The following NDC80 variants were observed in gnomAD, a reference collection of about 807,000 sequenced individuals.
NDC80 encodes NDC80 kinetochore complex component.
In NDC80, 69 loss-of-function variants were observed where a neutral mutation model predicts 89.3. That is an observed-to-expected ratio of 0.77 (90% CI 0.64 to 0.94). The LOEUF (loss-of-function observed/expected upper bound fraction) is 0.94. NDC80 is among the 40% of genes least tolerant of loss of function. The probability of loss-of-function intolerance (pLI) is 0.00; values close to 1 mark genes in which losing one functional copy is unlikely to be tolerated. For missense variants in NDC80, 593 were observed against 739.6 expected (o/e 0.80, Z 2.30); for synonymous variants, 243 against 255.6 (o/e 0.95, Z 0.47).
chr18:2,572,639 AACAG>A (rs1434055913), intron 1 of NDC80, among the ~76,000 whole-genome samples: 1 of 152,244 alleles, frequency 6.6e-6, no homozygotes, highest in Non-Finnish European at 1.5e-5. Flanking sequence ...TGGTCTGGGT[AACAG>A]ACAGGGCTTT....
chr18:2,592,616 C>A (rs1203514133), intron 10 of NDC80, among the ~76,000 whole-genome samples: 1 of 151,914 alleles, frequency 6.6e-6, no homozygotes, highest in African/African-American at 2.4e-5. Context: ...GCCTCAGCCT[C>A]CCAAAGTGCT....
chr18:2,609,742 A>G (rs972147630), intron 15 of NDC80, among the ~76,000 whole-genome samples: 6 of 152,218 alleles, frequency 3.9e-5, no homozygotes, highest in Non-Finnish European at 8.8e-5. Context: ...TGGAAATTGC[A>G]CCATCAGTAC....
intron 13 of NDC80, among the ~76,000 whole-genome samples, chr18:2,603,906 A>G (rs2072697222): frequency 6.6e-6 from 1 of 152,180 alleles, no homozygotes; most frequent in South Asian, 2.1e-4. Context: ...GTAAATTATC[A>G]TAGAGCATAA....
intron 16 of NDC80, among the ~76,000 whole-genome samples, chr18:2,613,161 G>T (rs1450112920): frequency 6.6e-6 from 1 of 152,168 alleles, no homozygotes; most frequent in South Asian, 2.1e-4. Flanking sequence ...GCCTACAGCC[G>T]GCTTTTGTAA....
intron 11 of NDC80, among the ~76,000 whole-genome samples, chr18:2,595,857 T>G (rs2072652429): frequency 1.3e-5 from 2 of 152,194 alleles, no homozygotes; most frequent in African/African-American, 2.4e-5. Context: ...AAAAAGTCTC[T>G]AAAACTATGA....
intron 10 of NDC80, among the ~76,000 whole-genome samples, chr18:2,591,825 G>A (rs374314620): frequency 2.0e-5 from 3 of 147,530 alleles, no homozygotes; most frequent in Non-Finnish European, 4.4e-5. Context: ...CACCATCTCC[G>A]CTCACTGCAA....
intron 11 of NDC80, among the ~76,000 whole-genome samples, chr18:2,596,108 T>G (rs2072654386): frequency 1.3e-5 from 2 of 152,132 alleles, no homozygotes; most frequent in African/African-American, 2.4e-5. Flanking sequence ...TGAGGAAACA[T>G]ATAGTACACC....
At chr18:2,587,491 T>TCCTA (rs1258538293) in intron 7 of NDC80, among the ~76,000 whole-genome samples, 2 of 152,212 alleles carry the variant, frequency 1.3e-5, no homozygotes, top group African/African-American at 4.8e-5. Context: ...TAAAGATGAT[T>TCCTA]AAGTTTGTGC....
At chr18:2,597,347 G>A (rs896721088) in intron 11 of NDC80, among the ~76,000 whole-genome samples, 1 of 152,150 alleles carries the variant, frequency 6.6e-6, no homozygotes, top group South Asian at 2.1e-4. Context: ...TTAAACAGGT[G>A]TGGTTACATC....
intron 3 of NDC80, among the ~76,000 whole-genome samples, chr18:2,576,692 A>G (rs2072547756): frequency 6.6e-6 from 1 of 152,198 alleles, no homozygotes; most frequent in Admixed American, 6.5e-5. Flanking sequence ...GGATGATAGA[A>G]ATGCTCATAT....
chr18:2,595,935 T>C (rs560609482), intron 11 of NDC80, among the ~76,000 whole-genome samples: 17 of 152,348 alleles, frequency 1.1e-4, no homozygotes, highest in African/African-American at 4.1e-4. Context: ...ATTCACCTAT[T>C]CACTACTTAA....
rs368687099 is a variant in NDC80 at position 2,610,803 on chromosome 18, T to G, written c.1733T>G (p.Val578Gly). Residue 578 changes from valine (V) to glycine (G), a missense_variant, in exon 16 of 17, where the codon GTG becomes GGG. Val to Gly is a moderately radical substitution (Grantham distance 109). Coordinates refer to ENST00000261597, the MANE Select transcript of NDC80 (RefSeq NM_006101.3). ...VQTTTEERRKVGNNLQRLLEM... is the reference protein window; with the variant it reads ...VQTTTEERRKGGNNLQRLLEM... ...ACCACGACTGAAGAAAGACGAAAAG[T>G]GGGAAATAACTTGCAACGTCTGTTA... 48 of 1,591,746 alleles carry G rather than the reference T, an allele frequency of 3.0e-5. No individual in the cohort carries two copies. Among genetic ancestry groups the G allele is most frequent in the Non-Finnish European group, 3.5e-5 (41 of 1,164,408 alleles).
intron 9 of NDC80, among the ~76,000 whole-genome samples, chr18:2,589,605 C>G (rs2072617543): frequency 1.3e-5 from 2 of 152,240 alleles, no homozygotes; most frequent in African/African-American, 2.4e-5. Flanking sequence ...TTATATACCT[C>G]TAGGGAGCAT....
At chr18:2,609,013 A>G (rs1298236067) in intron 15 of NDC80, among the ~76,000 whole-genome samples, 183 bp downstream of exon 15, 2 of 152,206 alleles carry the variant, frequency 1.3e-5, no homozygotes, top group Admixed American at 1.3e-4. Flanking sequence ...ATCAACAGAT[A>G]CATTCTGTTA....
At chr18:2,599,287 CTG>C (rs2072672464) in intron 12 of NDC80, 116 bp downstream of exon 12, 2 of 740,798 alleles carry the variant, frequency 2.7e-6, no homozygotes, top group Non-Finnish European at 3.9e-6. Context: ...AACACTGAAA[CTG>C]TATCTTCTTT....
At position 2,593,989 on chromosome 18, in the gene NDC80, G is replaced by A. The variant is rs577868026; in HGVS notation, c.1016-1427G>A. On this transcript the variant is annotated intron_variant, in intron 10 of 16. Coordinates refer to ENST00000261597, the MANE Select transcript of NDC80 (RefSeq NM_006101.3). ...GCGATCTCGGCTCACAGCAGCCTCC[G>A]CCTCCCAGATTCAAGTGATTCACGT... 9 of 169,250 alleles carry A rather than the reference G, an allele frequency of 5.3e-5. No homozygotes were observed. The East Asian group carries it at 5.4e-4, about 10-fold the overall frequency. The allele number at this position is 169,250 out of a possible 1,614,324, so 10.5% of individuals were successfully genotyped here.
intron 11 of NDC80, 52 bp downstream of exon 11, chr18:2,595,673 A>G (rs2072651323): frequency 6.6e-7 from 1 of 1,506,734 alleles, no homozygotes; most frequent in Admixed American, 1.8e-5. Context: ...ACCTTTCTGA[A>G]GGTCTGTCCC....
chr18:2,612,452 C>T (rs1262232761), intron 16 of NDC80, among the ~76,000 whole-genome samples: 2 of 151,848 alleles, frequency 1.3e-5, no homozygotes, highest in African/African-American at 4.8e-5. Context: ...CCATGCCCGG[C>T]CAGTATTTGT....
chr18:2,598,050 T>C (rs1344592559), intron 11 of NDC80, among the ~76,000 whole-genome samples: 3 of 152,238 alleles, frequency 2.0e-5, no homozygotes, highest in Non-Finnish European at 4.4e-5. Flanking sequence ...ACATTACCAA[T>C]TTAGCCAACA....
Sources: allele counts gnomAD v4.1 joint callset (sites outside exome capture counted in the v4.1 genomes callset), GRCh38; gene constraint gnomAD v4.1.1; transcripts MANE v1.5; gene names NCBI Gene and HGNC (gene_info 2026-07-23, HGNC 2026-07-21).